LAMB1: variants seen among roughly 807,000 people sequenced by gnomAD.
LAMB1 encodes the protein laminin subunit beta 1.
Under a neutral mutation model 222.3 loss-of-function variants are expected in LAMB1, and 121 were observed. That is an observed-to-expected ratio of 0.54 (90% confidence interval 0.47 to 0.63). The LOEUF is 0.63. Among genes scored for constraint, LAMB1 ranks in the 30% least tolerant of loss-of-function variants. The pLI, the probability that LAMB1 is intolerant of heterozygous loss-of-function variation, is 0.00. For synonymous variants in LAMB1, 794 were observed against 807.2 expected (o/e 0.98, Z 0.28); for missense variants, 2,172 against 2,240.8 (o/e 0.97, Z 0.62).
Position 107,975,228 on chromosome 7 carries a change from A to G in LAMB1, c.1369+6T>C, listed in dbSNP as rs762516144. 2.9e-5 allele frequency: 47 copies of G among 1,608,166 alleles called. No individual in the cohort carries two copies. Among genetic ancestry groups the G allele is most frequent in the Non-Finnish European group, 3.9e-5 (46 of 1,175,664 alleles). ...AACTCCCAAACTTTTTAGCAAACAG[A>G]CCTACATTTACAACCAAATGGATCT... On this transcript the variant is annotated splice_donor_region_variant and intron_variant, in intron 11 of 33. Transcript: ENST00000222399.
intron 5 of LAMB1, among the ~76,000 whole-genome samples, chr7:107,989,681 C>T (rs182936337): frequency 5.4e-4 from 82 of 152,280 alleles, no homozygotes; most frequent in Non-Finnish European, 1.1e-3. Flanking sequence ...ATGTGTGCCA[C>T]GTACCATGGC....
Position 107,975,752 on chromosome 7 carries a change from G to A in LAMB1, c.1126C>T (p.Gln376Ter). The change falls in exon 10 of 34, where the codon CAG becomes TAG. Residue 376 changes from glutamine to a stop codon, truncating the protein, a stop_gained. Coordinates refer to ENST00000222399, the MANE Select transcript of LAMB1 (RefSeq NM_002291.3). LOFTEE classifies it high-confidence loss of function. ...TGCTGGTAGTAAAACGGCTTGCACTGCTCACAGTTGCGCCCCATGGTGTTG... is the reference window on the plus strand; with the variant it reads ...TGCTGGTAGTAAAACGGCTTGCACTACTCACAGTTGCGCCCCATGGTGTTG... ...QHNTMGRNCE[Q>*]CKPFYYQHPE... 6.2e-7 allele frequency: 1 copy of A among 1,613,978 alleles called. No individual in the cohort carries two copies. The highest frequency in any genetic ancestry group is 8.5e-7 in the Non-Finnish European group (1 of 1,179,990).
intron 32 of LAMB1, among the ~76,000 whole-genome samples, chr7:107,925,141 TAG>T (rs1325232073): frequency 6.6e-6 from 1 of 152,126 alleles, no homozygotes; most frequent in African/African-American, 2.4e-5. Flanking sequence ...TTTCCCAACC[TAG>T]AGAGAGGTAG....
chr7:107,965,447 C>T (rs1346930731), intron 13 of LAMB1, among the ~76,000 whole-genome samples: 2 of 152,036 alleles, frequency 1.3e-5, no homozygotes, highest in Non-Finnish European at 2.9e-5. Flanking sequence ...GGCGTGGTGG[C>T]GCAGGCCTGT....
In LAMB1 at chr7:107,926,369, T is replaced by C; in HGVS notation, c.4888-10A>G. 1 of 1,609,446 alleles carries C rather than the reference T, an allele frequency of 6.2e-7. No homozygotes were observed. The highest frequency in any genetic ancestry group is 1.3e-5 in the African/African-American group (1 of 74,918). On this transcript the variant is annotated splice_polypyrimidine_tract_variant and intron_variant, in intron 31 of 33. Coordinates refer to ENST00000222399, the MANE Select transcript of LAMB1 (RefSeq NM_002291.3). Reference sequence around the variant, plus strand: ...CTGTTTCAGACTCAATCTAAAAGCATGTCAATTTTCCAGCAAGACATTAGT... The same window carrying C: ...CTGTTTCAGACTCAATCTAAAAGCACGTCAATTTTCCAGCAAGACATTAGT...
At chr7:108,003,006 T>C in intron 1 of LAMB1, 35 bp from the exon 2 acceptor site, 2 of 1,547,820 alleles carry the variant, frequency 1.3e-6, no homozygotes, top group Non-Finnish European at 8.6e-7. Context: ...AAAAGGCAAA[T>C]GTTCAAAGAG....
rs182306699 is a variant in LAMB1, at chr7:107,964,011, C to T, written c.1698+541G>A. 4.6e-3 allele frequency among the ~76,000 whole-genome samples: 702 copies of T among 152,310 alleles called. 3 individuals are homozygous for T. Among genetic ancestry groups the T allele is most frequent in the Non-Finnish European group, 4.5e-3 (308 of 68,038 alleles). On this transcript the variant is annotated intron_variant, in intron 14 of 33. Coordinates refer to ENST00000222399, the MANE Select transcript of LAMB1 (RefSeq NM_002291.3). The stretch of plus-strand genomic sequence containing the variant: ...ACTCGGGAAGCTGAAGCAGGAGAAT[C>T]GCTTCAACCCAGCAGGCGGAGGTTG...
At chr7:107,996,729 C>T (rs1414995920) in intron 4 of LAMB1, among the ~76,000 whole-genome samples, 3 of 152,138 alleles carry the variant, frequency 2.0e-5, no homozygotes, top group Non-Finnish European at 4.4e-5. Context: ...TTGATTAACT[C>T]GACATAACTA....
At chr7:107,958,515 T>C (rs776024545) in intron 20 of LAMB1, among the ~76,000 whole-genome samples, 2 of 152,208 alleles carry the variant, frequency 1.3e-5, no homozygotes, top group South Asian at 4.1e-4. Context: ...ATATCTTCGA[T>C]AGGGCGAATG....
chr7:107,971,888 T>G (rs1421235434), intron 13 of LAMB1, among the ~76,000 whole-genome samples: 1 of 152,218 alleles, frequency 6.6e-6, no homozygotes, highest in Admixed American at 6.5e-5. Context: ...GAATTGCATA[T>G]GCCACTTTTA....
At chr7:107,989,934 ACT>A (rs1260075615) in intron 5 of LAMB1, among the ~76,000 whole-genome samples, 1 of 151,958 alleles carries the variant, frequency 6.6e-6, no homozygotes, top group Non-Finnish European at 1.5e-5. Context: ...TCCTTTCCAT[ACT>A]CTCTGCTTAG....
At chr7:107,938,668 C>T (rs573553818) in intron 25 of LAMB1, among the ~76,000 whole-genome samples, 1 of 152,244 alleles carries the variant, frequency 6.6e-6, no homozygotes, top group South Asian at 2.1e-4. Flanking sequence ...GCCTAAGACC[C>T]AGGCCAAGGA....
Position 107,926,185 on chromosome 7 carries a change from T to C in LAMB1, c.5062A>G (p.Lys1688Glu). Residue 1688 changes from lysine to glutamate, a missense_variant and splice_region_variant, in exon 32 of 34, where the codon AAG becomes GAG. By Grantham distance (56) the Lys-to-Glu change is moderately conservative (BLOSUM62 1). Transcript: ENST00000222399. ...TGAAATTACAAAGATTTACGTACCT[T>C]CTTAACATCTTCTGCACTTTGCTTC... ...TVKQSAEDVK[K>E]TLDGELDEKY... is the part of the protein sequence containing the mutation. 1.2e-6 allele frequency: 2 copies of C among 1,612,594 alleles called. No homozygotes were observed. The highest frequency in any genetic ancestry group is 1.7e-6 in the Non-Finnish European group (2 of 1,178,796).
rs137976932 is a variant in LAMB1, at chr7:107,975,836, T to C, written c.1042A>G (p.Met348Val). 6.8e-6 allele frequency: 11 copies of C among 1,614,094 alleles called. No individual in the cohort carries two copies. The highest frequency in any genetic ancestry group is 3.3e-5 in the Admixed American group (2 of 60,002). The change falls in exon 10 of 34, where the codon ATG becomes GTG. Residue 348 changes from methionine (M) to valine (V), a missense_variant. Met to Val is a conservative substitution (Grantham distance 21, BLOSUM62 1). Transcript: ENST00000222399. ...NEHSISCHFDMAVYLATGNVS... is the reference protein window; with the variant it reads ...NEHSISCHFDVAVYLATGNVS... ...TTCCCCGTGGCCAGGTAAACAGCCA[T>C]GTCAAAGTGACAAGAGATGGAATGT...
intron 8 of LAMB1, among the ~76,000 whole-genome samples, chr7:107,979,889 T>C (rs2150442344): frequency 6.6e-6 from 1 of 151,566 alleles, no homozygotes; most frequent in East Asian, 1.9e-4. Flanking sequence ...GCCTGACCAA[T>C]ATGGAGAAGC....
intron 13 of LAMB1, among the ~76,000 whole-genome samples, chr7:107,970,303 C>T (rs1205644476): frequency 1.3e-5 from 2 of 152,032 alleles, no homozygotes; most frequent in African/African-American, 2.4e-5. Context: ...GCCTGACCAA[C>T]ATGGTGAAAC....
At chr7:107,963,176 G>T in intron 14 of LAMB1, 113 bp from the exon 15 acceptor site, 1 of 974,988 alleles carries the variant, frequency 1.0e-6, no homozygotes, top group Non-Finnish European at 1.5e-6. Context: ...GCTACCTTAT[G>T]TCTATTTTTT....
At chr7:107,943,768 CT>C (rs2033049623) in intron 24 of LAMB1, among the ~76,000 whole-genome samples, 1 of 152,168 alleles carries the variant, frequency 6.6e-6, no homozygotes, top group African/African-American at 2.4e-5. Context: ...ACTTTCCCAG[CT>C]GTTTCTGCCC....
Position 107,940,385 on chromosome 7 carries a change from G to A in LAMB1, c.3392-27C>T, listed in dbSNP as rs187768412. 7,492 of 1,592,252 alleles carry A rather than the reference G, an allele frequency of 4.7e-3. 24 individuals carry two copies. The highest frequency in any genetic ancestry group is 6.6e-3 in the Admixed American group (390 of 59,228). On this transcript the variant is annotated intron_variant, in intron 24 of 33. Coordinates refer to ENST00000222399, the MANE Select transcript of LAMB1 (RefSeq NM_002291.3). The stretch of plus-strand genomic sequence containing the variant: ...TAGAAGGGAATAAGCAATGCTAGCT[G>A]ATCTACTTAATCATGAACCTCAGTG...
Sources: allele counts gnomAD v4.1 joint callset (sites outside exome capture counted in the v4.1 genomes callset), GRCh38; gene constraint gnomAD v4.1.1; transcripts MANE v1.5; gene names NCBI Gene and HGNC (gene_info 2026-07-23, HGNC 2026-07-21).